RBFOX1: variants seen among roughly 807,000 people sequenced by gnomAD.
RBFOX1 encodes RNA binding fox-1 homolog 1, also known as RNA binding protein fox-1 homolog 1.
RBFOX1 carries 8 observed loss-of-function variants against 57.7 expected under a neutral mutation model. The ratio of observed to expected loss-of-function variants is 0.14; its 90% CI spans 0.08 to 0.25. The LOEUF (loss-of-function observed/expected upper bound fraction) is 0.25. RBFOX1 is among the 10% of genes least tolerant of loss of function. The pLI, the probability that RBFOX1 is intolerant of heterozygous loss-of-function variation, is 1.00. For synonymous variants in RBFOX1, 326 were observed against 222.4 expected, an observed-to-expected ratio of 1.47 and a Z score of -4.15; for missense variants, 611 against 548.5, an observed-to-expected ratio of 1.11 and a Z score of -1.14.
chr16:6,971,986 C>G (rs1356924427), intron 3 of RBFOX1, among the ~76,000 whole-genome samples: 2 of 152,126 alleles, frequency 1.3e-5, no homozygotes, highest in East Asian at 3.9e-4. Context: ...CAGGCAATCC[C>G]TGCACGCAAG....
At chr16:7,638,015 T>C (rs1292216661) in intron 11 of RBFOX1, among the ~76,000 whole-genome samples, 2 of 152,216 alleles carry the variant, frequency 1.3e-5, no homozygotes, top group Admixed American at 6.5e-5. Flanking sequence ...GATAGTCTGC[T>C]CATCGTGGAT....
intron 2 of RBFOX1, among the ~76,000 whole-genome samples, chr16:6,492,548 G>T (rs895848123): frequency 6.6e-6 from 1 of 152,130 alleles, no homozygotes; most frequent in Non-Finnish European, 1.5e-5. Context: ...CAGCCTGGGT[G>T]ACAGAGTGAG....
At chr16:7,220,253 C>A (rs908760894) in intron 4 of RBFOX1, among the ~76,000 whole-genome samples, 1 of 152,158 alleles carries the variant, frequency 6.6e-6, no homozygotes, top group Non-Finnish European at 1.5e-5. Flanking sequence ...CAATATAGTA[C>A]TCGTCAGTGG....
chr16:7,603,849 T>C (rs1308783375), intron 9 of RBFOX1, among the ~76,000 whole-genome samples: 1 of 152,124 alleles, frequency 6.6e-6, no homozygotes, highest in Non-Finnish European at 1.5e-5. Flanking sequence ...GCTATTGAAT[T>C]CTGAGTATCA....
At chr16:6,820,136 ACT>A (rs2091009652) in intron 3 of RBFOX1, among the ~76,000 whole-genome samples, 1 of 152,146 alleles carries the variant, frequency 6.6e-6, no homozygotes, top group African/African-American at 2.4e-5. Context: ...TAAAGGACAC[ACT>A]GTCTCTTGCC....
At chr16:6,988,002 A>T (rs2090667527) in intron 3 of RBFOX1, among the ~76,000 whole-genome samples, 1 of 152,148 alleles carries the variant, frequency 6.6e-6, no homozygotes, top group Non-Finnish European at 1.5e-5. Flanking sequence ...AGTCGTCATC[A>T]TGGTTATGTT....
At chr16:6,461,620 G>C (rs1032279367) in intron 2 of RBFOX1, among the ~76,000 whole-genome samples, 3 of 152,048 alleles carry the variant, frequency 2.0e-5, no homozygotes, top group African/African-American at 7.2e-5. Context: ...TGTCTTTTTT[G>C]TTCAAACTAA....
chr16:6,453,552 CA>C (rs200058011), intron 2 of RBFOX1, among the ~76,000 whole-genome samples: 1 of 151,608 alleles, frequency 6.6e-6, no homozygotes, highest in African/African-American at 2.4e-5. Context: ...GCCTACCAAC[CA>C]AAAAAAAGCC....
At chr16:6,347,572 A>G (rs537055395) in intron 2 of RBFOX1, among the ~76,000 whole-genome samples, 3 of 152,328 alleles carry the variant, frequency 2.0e-5, no homozygotes, top group East Asian at 3.9e-4. Flanking sequence ...TGCATCTTGC[A>G]TATGCATAGA....
intron 3 of RBFOX1, among the ~76,000 whole-genome samples, chr16:6,830,594 T>A (rs936850285): frequency 1.3e-5 from 2 of 152,140 alleles, no homozygotes; most frequent in African/African-American, 4.8e-5. Flanking sequence ...GATGTTGACA[T>A]CTAGTTGGTA....
chr16:5,835,420 G>A lies in RBFOX1; in HGVS notation c.319-31883G>A, dbSNP rs1021242071. Among the ~76,000 whole-genome samples the A allele has an allele frequency of 2.0e-5, 3 of 152,190 alleles. No homozygotes were observed. In the East Asian group the frequency reaches 5.8e-4, roughly 29 times the overall value. Reference sequence around the variant, plus strand: ...TCTGGATTCATACTTGGGGAGGCTTGGGAAAGCTTAATGGAGAAAGGGGGT... The same window carrying A: ...TCTGGATTCATACTTGGGGAGGCTTAGGAAAGCTTAATGGAGAAAGGGGGT... On this transcript the variant is annotated intron_variant, in intron 3 of 19. Transcript: ENST00000641259.
chr16:7,047,549 T>G (rs1038550375), intron 3 of RBFOX1, among the ~76,000 whole-genome samples: 1 of 152,074 alleles, frequency 6.6e-6, no homozygotes, highest in Non-Finnish European at 1.5e-5. Flanking sequence ...TGATTTTAAC[T>G]CTTTTAGTTC....
chr16:6,725,135 C>G (rs1289636094), intron 3 of RBFOX1, among the ~76,000 whole-genome samples: 1 of 142,662 alleles, frequency 7.0e-6, no homozygotes, highest in Non-Finnish European at 1.5e-5. Flanking sequence ...ACTGCAAGCT[C>G]TGCGTCCCGG....
At chr16:6,199,965 C>T (rs991247079) in intron 1 of RBFOX1, among the ~76,000 whole-genome samples, 2 of 152,138 alleles carry the variant, frequency 1.3e-5, no homozygotes, top group Non-Finnish European at 2.9e-5. Flanking sequence ...TCACCGACAG[C>T]CAGCTATCCA....
chr16:5,720,558 C>T (rs1454141339), intron 3 of RBFOX1, among the ~76,000 whole-genome samples: 1 of 152,118 alleles, frequency 6.6e-6, no homozygotes, highest in East Asian at 1.9e-4. Flanking sequence ...TAAGGCTTTT[C>T]GAGTTTTAGC....
intron 2 of RBFOX1, among the ~76,000 whole-genome samples, chr16:6,419,106 G>A (rs974571891): frequency 1.3e-5 from 2 of 152,034 alleles, no homozygotes; most frequent in Non-Finnish European, 2.9e-5. Flanking sequence ...TATTCTACAG[G>A]CCAGCATGAT....
At chr16:6,312,132 T>C (rs1282345945) in intron 1 of RBFOX1, among the ~76,000 whole-genome samples, 5 of 152,168 alleles carry the variant, frequency 3.3e-5, no homozygotes, top group South Asian at 2.1e-4. Context: ...TTATACATAA[T>C]TGCATTGTTT....
At chr16:5,984,000 C>T (rs2060229676) in intron 4 of RBFOX1, among the ~76,000 whole-genome samples, 1 of 141,050 alleles carries the variant, frequency 7.1e-6, no homozygotes, top group Non-Finnish European at 1.5e-5. Context: ...CATTCTTCTT[C>T]TTCTCCTTCC....
chr16:5,942,981 C>G (rs2059311666), intron 4 of RBFOX1, among the ~76,000 whole-genome samples: 1 of 152,174 alleles, frequency 6.6e-6, no homozygotes, highest in Non-Finnish European at 1.5e-5. Context: ...TCCAGGTGGG[C>G]TGCCAAGCAC....
Sources: gnomAD v4.1 joint callset for allele counts (sites outside exome capture counted in the v4.1 genomes callset) on GRCh38, gnomAD v4.1.1 for gene constraint, MANE v1.5 for transcripts, NCBI Gene and HGNC (gene_info 2026-07-23, HGNC 2026-07-21) for gene names.